Variants in GRID2 observed in about 807,000 individuals in gnomAD.
The protein encoded by GRID2 is glutamate ionotropic receptor delta type subunit 2.
In GRID2, 33 loss-of-function variants were observed where a neutral mutation model predicts 114.8. That is an observed-to-expected ratio of 0.29 (90% CI 0.22 to 0.38). The LOEUF (loss-of-function observed/expected upper bound fraction) is 0.38. Ranked by LOEUF, GRID2 falls within the 10% of genes least tolerant of loss-of-function variation. The pLI is 1.00. For missense variants in GRID2, 1,184 were observed against 1,257.7 expected (o/e 0.94, Z 0.89); for synonymous variants, 505 against 449.9 (o/e 1.12, Z -1.55).
chr4:92,422,237 A>AGT (rs1484957210), intron 1 of GRID2, among the ~76,000 whole-genome samples: 1 of 151,988 alleles, frequency 6.6e-6, no homozygotes, highest in African/African-American at 2.4e-5. Context: ...AGAGCCGGGT[A>AGT]GTGTGTCTAA....
intron 13 of GRID2, among the ~76,000 whole-genome samples, chr4:93,614,301 C>G (rs145619942): frequency 4.6e-5 from 7 of 152,128 alleles, no homozygotes; most frequent in Middle Eastern, 3.4e-3. Flanking sequence ...AGCTGTAGAC[C>G]GGAGCTGTTC....
chr4:93,084,466 GTT>G (rs1730157026), intron 2 of GRID2, among the ~76,000 whole-genome samples: 1 of 152,114 alleles, frequency 6.6e-6, no homozygotes, highest in Admixed American at 6.6e-5. Flanking sequence ...ATGTCATCAA[GTT>G]TTTAGATATC....
chr4:93,309,072 G>C (rs1755735813), intron 8 of GRID2, among the ~76,000 whole-genome samples: 1 of 151,994 alleles, frequency 6.6e-6, no homozygotes, highest in Admixed American at 6.6e-5. Flanking sequence ...ATTTTATCTA[G>C]CAGTAAGTGT....
At chr4:93,108,748 A>C (rs1732490601) in intron 3 of GRID2, among the ~76,000 whole-genome samples, 2 of 151,396 alleles carry the variant, frequency 1.3e-5, no homozygotes, top group South Asian at 4.2e-4. Context: ...CTTCTGCCTC[A>C]GCCTCCCAAG....
At position 93,057,162 on chromosome 4, in the gene GRID2, C is replaced by CTGTGTGTGTG. The variant is rs139689521; in HGVS notation, c.245-27817_245-27808dup. Among the ~76,000 whole-genome samples, 522 of 147,920 alleles carry CTGTGTGTGTG rather than the reference C, an allele frequency of 3.5e-3. 4 individuals are homozygous for CTGTGTGTGTG. The highest frequency in any genetic ancestry group is 0.012 in the African/African-American group (488 of 40,482). On this transcript the variant is annotated intron_variant, in intron 2 of 15. Transcript: ENST00000282020. ...GAAGTGTGTGAGTGTGTATGTGTGT[C>CTGTGTGTGTG]TGTGTGTGTGTGTGTGTGTGTGTGT...
intron 6 of GRID2, among the ~76,000 whole-genome samples, chr4:93,221,376 T>A (rs557312185): frequency 2.6e-5 from 4 of 152,262 alleles, no homozygotes; most frequent in South Asian, 2.1e-4. Context: ...AAGCTTGTCA[T>A]GTAGAGGAGG....
intron 8 of GRID2, among the ~76,000 whole-genome samples, chr4:93,298,272 T>G (rs1019458202): frequency 6.2e-4 from 95 of 152,324 alleles, no homozygotes; most frequent in African/African-American, 2.2e-3. Context: ...GCTGAATGGC[T>G]TATAAACAAC....
intron 1 of GRID2, among the ~76,000 whole-genome samples, chr4:92,419,314 CTCAGGA>C (rs1159452788): frequency 6.6e-6 from 1 of 152,062 alleles, no homozygotes; most frequent in East Asian, 1.9e-4. Flanking sequence ...TTACATGTAG[CTCAGGA>C]AATGAGTAAT....
chr4:92,389,236 T>A (rs1328038484), intron 1 of GRID2, among the ~76,000 whole-genome samples: 1 of 152,076 alleles, frequency 6.6e-6, no homozygotes, highest in African/African-American at 2.4e-5. Context: ...TTATGGTTTA[T>A]TAAAAGTGAT....
chr4:93,125,641 G>A (rs531146698), intron 4 of GRID2, among the ~76,000 whole-genome samples: 15 of 152,002 alleles, frequency 9.9e-5, no homozygotes, highest in South Asian at 2.1e-4. Flanking sequence ...TTTTTTAACC[G>A]TGATTCTTGT....
chr4:92,403,322 G>C (rs755036362), intron 1 of GRID2, among the ~76,000 whole-genome samples: 1 of 152,068 alleles, frequency 6.6e-6, no homozygotes, highest in African/African-American at 2.4e-5. Context: ...GGTGTTTGGT[G>C]CAAGAGGCTT....
intron 1 of GRID2, among the ~76,000 whole-genome samples, chr4:92,479,329 C>T (rs1722468928): frequency 1.3e-5 from 2 of 152,062 alleles, no homozygotes; most frequent in African/African-American, 4.8e-5. Context: ...AAATGGTAAA[C>T]TGTTAGAATG....
At chr4:92,904,568 T>C (rs879469443) in intron 2 of GRID2, among the ~76,000 whole-genome samples, 6 of 151,656 alleles carry the variant, frequency 4.0e-5, no homozygotes, top group Non-Finnish European at 8.8e-5. Flanking sequence ...GTTTCTAATA[T>C]AAAGTCGATG....
At chr4:93,280,792 A>G (rs1752566615) in intron 8 of GRID2, among the ~76,000 whole-genome samples, 1 of 151,982 alleles carries the variant, frequency 6.6e-6, no homozygotes, top group Non-Finnish European at 1.5e-5. Context: ...TTATTCAAAT[A>G]TAATAATATT....
intron 1 of GRID2, among the ~76,000 whole-genome samples, chr4:92,541,175 G>A (rs1232494824): frequency 6.6e-6 from 1 of 152,070 alleles, no homozygotes; most frequent in Non-Finnish European, 1.5e-5. Flanking sequence ...GATAGCATTA[G>A]TAGATATATC....
chr4:92,718,838 C>T (rs924547587), intron 2 of GRID2, among the ~76,000 whole-genome samples: 5 of 148,888 alleles, frequency 3.4e-5, no homozygotes, highest in African/African-American at 1.2e-4. Context: ...CTTTTACTCT[C>T]TTTATTATTT....
intron 14 of GRID2, among the ~76,000 whole-genome samples, chr4:93,679,152 A>G (rs1725240516): frequency 6.6e-6 from 1 of 151,268 alleles, no homozygotes; most frequent in South Asian, 2.1e-4. Flanking sequence ...AACAGACTTT[A>G]AACCAACAAA....
chr4:93,363,744 G>T (rs1579825861), intron 8 of GRID2, among the ~76,000 whole-genome samples: 1 of 151,732 alleles, frequency 6.6e-6, no homozygotes. Context: ...ACAACAATCT[G>T]TTTTTCTTTG....
rs571189807 is a variant in GRID2 at position 92,798,336 on chromosome 4, T to C, written c.244+208050T>C. On this transcript the variant is annotated intron_variant, in intron 2 of 15. Transcript: ENST00000282020. ...AAAGTGTGTAAATCAAATAAGCTTA[T>C]ATCAAGAATACTAAAAAAAGTGACA... 1.1e-4 allele frequency among the ~76,000 whole-genome samples: 16 copies of C among 152,150 alleles called. No homozygotes were observed. In the East Asian group the frequency reaches 3.1e-3, roughly 30 times the overall value.
Sources: allele counts gnomAD v4.1 joint callset (sites outside exome capture counted in the v4.1 genomes callset), GRCh38; gene constraint gnomAD v4.1.1; transcripts MANE v1.5; gene names NCBI Gene and HGNC (gene_info 2026-07-23, HGNC 2026-07-21).